The following ABCA13 variants were observed in gnomAD, a reference collection of about 807,000 sequenced individuals.
ABCA13 encodes ATP-binding cassette sub-family A member 13.
A neutral mutation model predicts 478.7 loss-of-function variants in ABCA13; 476 were observed. The ratio of observed to expected loss-of-function variants is 0.99; its 90% confidence interval spans 0.92 to 1.07. ABCA13 has a LOEUF of 1.07. Among genes scored for constraint, ABCA13 ranks in the 50% least tolerant of loss-of-function variants. The pLI is 0.00. For synonymous variants in ABCA13, 2,252 were observed against 2,158.9 expected (o/e 1.04, Z -1.20); for missense variants, 6,060 against 5,910.6 (o/e 1.03, Z -0.83).
At chr7:48,387,216 A>T (rs1378939440) in intron 35 of ABCA13, among the ~76,000 whole-genome samples, 2 of 152,118 alleles carry the variant, frequency 1.3e-5, no homozygotes, top group East Asian at 3.9e-4. Flanking sequence ...GATGTGTTAA[A>T]AGAAAATTGG....
chr7:48,506,269 G>A (rs1831198784), intron 48 of ABCA13, 67 bp from the exon 49 acceptor site: 3 of 1,525,292 alleles, frequency 2.0e-6, no homozygotes, highest in Admixed American at 1.7e-5. Flanking sequence ...TGCGTAGCCT[G>A]TAGATGAGCT....
intron 55 of ABCA13, among the ~76,000 whole-genome samples, chr7:48,558,868 T>G (rs967195096): frequency 6.6e-6 from 1 of 152,206 alleles, no homozygotes; most frequent in African/African-American, 2.4e-5. Context: ...GTCTGGACGT[T>G]GAAGAGTTAA....
chr7:48,278,088 T>TATATA lies in ABCA13; in HGVS notation c.6900-6_6900-5insATATA. ...ATTAAAAGTATATATATATATATAT[T>TATATA]TACAGTTTTGTCCCAAAAGATAAAA... On this transcript the variant is annotated splice_polypyrimidine_tract_variant and splice_region_variant and intron_variant, in intron 17 of 61. Coordinates refer to ENST00000435803, the MANE Select transcript of ABCA13 (RefSeq NM_152701.5). 1 of 1,093,234 alleles carries TATATA rather than the reference T, an allele frequency of 9.1e-7. No individual in the cohort carries two copies. The highest frequency in any genetic ancestry group is 1.6e-5 in the African/African-American group (1 of 61,338). The allele number at this position is 1,093,234 out of a possible 1,614,324, so 67.7% of individuals were successfully genotyped here.
intron 48 of ABCA13, among the ~76,000 whole-genome samples, chr7:48,499,997 T>C (rs1162259550): frequency 3.3e-5 from 5 of 152,206 alleles, no homozygotes; most frequent in Non-Finnish European, 5.9e-5. Context: ...CCTAGTCTCA[T>C]AGGAAATTGA....
At position 48,274,466 on chromosome 7, in the gene ABCA13, A is replaced by T; in HGVS notation, c.4800A>T (p.Leu1600Phe). The change falls in exon 17 of 62, where the codon TTA becomes TTT. Residue 1600 changes from leucine to phenylalanine, a missense_variant. Leu to Phe is a conservative substitution (Grantham distance 22). This residue lies in a region of ABCA13 where 4,423 missense variants were observed against 4,309.1 expected (regional missense o/e 1.03). Coordinates refer to ENST00000435803, the MANE Select transcript of ABCA13 (RefSeq NM_152701.5). ...GTGTAGGCAATTCCATTTATCACTT[A>T]GCTAGTTACCTTGCCTTCAGCTTAT... ...VNSVGNSIYHLASYLAFSLSH... is the reference protein window; with the variant it reads ...VNSVGNSIYHFASYLAFSLSH... 1 of 1,613,852 alleles carries T rather than the reference A, an allele frequency of 6.2e-7. No homozygotes were observed.
At chr7:48,635,850 A>G (rs1044997808) in intron 59 of ABCA13, among the ~76,000 whole-genome samples, 9 of 152,144 alleles carry the variant, frequency 5.9e-5, no homozygotes, top group Non-Finnish European at 2.9e-5. Flanking sequence ...GAATAACTAT[A>G]TTTTTTATCT....
At chr7:48,333,313 T>C (rs781089527) in intron 27 of ABCA13, among the ~76,000 whole-genome samples, 1 of 152,200 alleles carries the variant, frequency 6.6e-6, no homozygotes, top group Non-Finnish European at 1.5e-5. Flanking sequence ...ATAATTTCTT[T>C]TTATTCATTG....
intron 60 of ABCA13, among the ~76,000 whole-genome samples, chr7:48,644,165 AATTATCTC>A (rs1325894211): frequency 6.6e-6 from 1 of 152,174 alleles, no homozygotes; most frequent in African/African-American, 2.4e-5. Context: ...AAACAGACAT[AATTATCTC>A]CATTGGCATA....
At chr7:48,400,336 A>G (rs1817430328) in intron 38 of ABCA13, among the ~76,000 whole-genome samples, 1 of 152,240 alleles carries the variant, frequency 6.6e-6, no homozygotes, top group African/African-American at 2.4e-5. Context: ...CCTTGAATAA[A>G]TGAATGGATG....
intron 2 of ABCA13, among the ~76,000 whole-genome samples, chr7:48,194,319 G>T (rs953608432): frequency 1.2e-4 from 18 of 152,110 alleles, no homozygotes; most frequent in African/African-American, 4.1e-4. Flanking sequence ...TAATGGAGAT[G>T]ATGGTGGAGA....
intron 55 of ABCA13, among the ~76,000 whole-genome samples, chr7:48,542,903 CTT>C (rs1218327788): frequency 3.3e-5 from 5 of 151,572 alleles, no homozygotes; most frequent in Non-Finnish European, 7.4e-5. Flanking sequence ...GGCTAAATGA[CTT>C]AAGAAATATT....
chr7:48,478,204 T>C (rs1828351727), intron 45 of ABCA13, among the ~76,000 whole-genome samples: 1 of 148,192 alleles, frequency 6.7e-6, no homozygotes, highest in Non-Finnish European at 1.5e-5. Context: ...TAAAATGATA[T>C]GATATATATA....
intron 3 of ABCA13, among the ~76,000 whole-genome samples, 179 bp from the exon 4 acceptor site, chr7:48,219,175 T>A (rs1046734007): frequency 4.3e-4 from 66 of 152,374 alleles, no homozygotes; most frequent in African/African-American, 1.4e-3. Context: ...GAAGATTTTT[T>A]AAATAATGAT....
intron 23 of ABCA13, among the ~76,000 whole-genome samples, chr7:48,299,525 T>C (rs1228326040): frequency 2.6e-5 from 4 of 152,326 alleles, no homozygotes; most frequent in Non-Finnish European, 4.4e-5. Flanking sequence ...GTCTCTTCCC[T>C]ACCTCGCATG....
chr7:48,644,595 T>G (rs1384735174), intron 60 of ABCA13, 22 bp from the exon 61 acceptor site: 6 of 1,406,480 alleles, frequency 4.3e-6, no homozygotes, highest in East Asian at 5.2e-5. Context: ...GATACTTTTT[T>G]TTTTTTTTTT....
intron 55 of ABCA13, among the ~76,000 whole-genome samples, chr7:48,570,123 T>C (rs541979187): frequency 9.2e-5 from 14 of 152,212 alleles, no homozygotes; most frequent in African/African-American, 3.1e-4. Flanking sequence ...GCTTTGTGTG[T>C]TGTGTGGCTC....
rs757818995 is a variant in ABCA13, at chr7:48,239,351, A to G, written c.1008A>G (p.Ser336=). The change falls in exon 9 of 62, where the codon TCA becomes TCG. Residue 336 remains serine (S), a synonymous_variant. Coordinates refer to ENST00000435803, the MANE Select transcript of ABCA13 (RefSeq NM_152701.5). ...GHVGGCHPKW[S]EAKNYLVHAV... ...TTGGAGGCTGCCACCCTAAGTGGTCAGAAGCCAAAAACTATCTTGTCCATG... is the reference window on the plus strand; with the variant it reads ...TTGGAGGCTGCCACCCTAAGTGGTCGGAAGCCAAAAACTATCTTGTCCATG... 8 of 1,613,832 alleles carry G rather than the reference A, an allele frequency of 5.0e-6. No homozygotes were observed. Among genetic ancestry groups the G allele is most frequent in the Non-Finnish European group, 6.8e-6 (8 of 1,179,850 alleles).
chr7:48,526,070 A>C (rs2131016125), intron 54 of ABCA13, among the ~76,000 whole-genome samples: 1 of 152,274 alleles, frequency 6.6e-6, no homozygotes, highest in South Asian at 2.1e-4. Flanking sequence ...CCTACAGTCA[A>C]ACAAGGTAGG....
At chr7:48,565,214 CTTTTT>C (rs10559411) in intron 55 of ABCA13, among the ~76,000 whole-genome samples, 57 of 113,778 alleles carry the variant, frequency 5.0e-4, no homozygotes, top group Middle Eastern at 9.5e-3. Context: ...ATTTAATGAG[CTTTTT>C]TTTTTTTTTT....
Sources: allele counts gnomAD v4.1 joint callset (sites outside exome capture counted in the v4.1 genomes callset), GRCh38; gene constraint gnomAD v4.1.1; regional missense constraint gnomAD v4.1.1; transcripts MANE v1.5; gene names NCBI Gene and HGNC (gene_info 2026-07-23, HGNC 2026-07-21).